Variants in CTNNA2 observed in about 807,000 individuals in gnomAD.
The protein encoded by CTNNA2 is catenin alpha 2.
In CTNNA2, 42 loss-of-function variants were observed where a neutral mutation model predicts 101.0. The observed-to-expected ratio is 0.42, with a 90% CI of 0.32 to 0.54. The LOEUF (loss-of-function observed/expected upper bound fraction) is 0.54, where lower values mean the gene tolerates loss of function less well. Among genes scored for constraint, CTNNA2 ranks in the 20% least tolerant of loss-of-function variants. The probability of loss-of-function intolerance (pLI) is 0.14; values close to 1 mark genes in which losing one functional copy is unlikely to be tolerated. For missense variants in CTNNA2, 871 were observed against 1,223.1 expected (o/e 0.71, Z 4.29); for synonymous variants, 450 against 456.4 (o/e 0.99, Z 0.18).
chr2:80,604,639 G>A (rs1697846630), intron 16 of CTNNA2, among the ~76,000 whole-genome samples: 3 of 151,730 alleles, frequency 2.0e-5, no homozygotes, highest in Non-Finnish European at 4.4e-5. Flanking sequence ...ATTTATTATT[G>A]CTTTACTTTT....
chr2:80,525,091 A>G (rs1220548820), intron 9 of CTNNA2, among the ~76,000 whole-genome samples: 3 of 151,922 alleles, frequency 2.0e-5, no homozygotes, highest in Non-Finnish European at 4.4e-5. Flanking sequence ...TGTGGTGATT[A>G]ATTAAATGTG....
intron 7 of CTNNA2, among the ~76,000 whole-genome samples, chr2:80,384,802 A>G (rs1253179867): frequency 6.6e-6 from 1 of 152,054 alleles, no homozygotes; most frequent in African/African-American, 2.4e-5. Context: ...AACTCCTCAG[A>G]CAGTGCTCCA....
At chr2:79,920,067 A>T (rs1686546776) in intron 7 of CTNNA2, among the ~76,000 whole-genome samples, 1 of 152,160 alleles carries the variant, frequency 6.6e-6, no homozygotes, top group South Asian at 2.1e-4. Context: ...AAATACAAAA[A>T]ATAGCTGAGT....
intron 7 of CTNNA2, among the ~76,000 whole-genome samples, chr2:79,961,843 A>G (rs1387033822): frequency 7.0e-6 from 1 of 143,066 alleles, no homozygotes; most frequent in Non-Finnish European, 1.5e-5. Flanking sequence ...AAAAAAAAAA[A>G]GCTGGCTCTG....
chr2:79,296,144 C>A (rs1167367232), intron 2 of CTNNA2, among the ~76,000 whole-genome samples: 3 of 152,040 alleles, frequency 2.0e-5, no homozygotes, highest in South Asian at 4.1e-4. Flanking sequence ...TAACACTTAT[C>A]CTCAGATGAC....
rs1354607602 is a variant in CTNNA2 at position 79,636,278 on chromosome 2, A to G, written c.-5-15274A>G. 5.5e-5 allele frequency among the ~76,000 whole-genome samples: 8 copies of G among 146,026 alleles called. 1 individual carries two copies. The highest frequency in any genetic ancestry group is 2.0e-4 in the African/African-American group (8 of 40,152). On this transcript the variant is annotated intron_variant, in intron 1 of 18. Coordinates refer to ENST00000402739, the MANE Select transcript of CTNNA2 (RefSeq NM_001282597.3). ...GAGTGAGACTCTGTCTCAAAAAAAAAAAAAAAAAAAAAAAAAAAAAAGGAA... is the reference window on the plus strand; with the variant it reads ...GAGTGAGACTCTGTCTCAAAAAAAAGAAAAAAAAAAAAAAAAAAAAAGGAA...
chr2:80,106,342 T>A (rs187943764), intron 7 of CTNNA2, among the ~76,000 whole-genome samples: 1 of 152,308 alleles, frequency 6.6e-6, no homozygotes, highest in African/African-American at 2.4e-5. Flanking sequence ...CCTAGAGCTT[T>A]TTTGAAACAA....
intron 7 of CTNNA2, among the ~76,000 whole-genome samples, chr2:80,218,661 T>G (rs2149049877): frequency 6.6e-6 from 1 of 152,252 alleles, no homozygotes; most frequent in Non-Finnish European, 1.5e-5. Context: ...ACTCACAGGG[T>G]TGTTGTGAGA....
At chr2:80,588,042 C>T (rs1463850901) in intron 14 of CTNNA2, among the ~76,000 whole-genome samples, 1 of 152,116 alleles carries the variant, frequency 6.6e-6, no homozygotes, top group Non-Finnish European at 1.5e-5. Flanking sequence ...CAGTAGATTC[C>T]TCAGAGCTGC....
At chr2:80,193,473 T>C (rs985733325) in intron 7 of CTNNA2, among the ~76,000 whole-genome samples, 3 of 152,198 alleles carry the variant, frequency 2.0e-5, no homozygotes, top group South Asian at 2.1e-4. Context: ...ACCTGTGAGA[T>C]TGGAATTATT....
chr2:79,512,300 A>T (rs1057207752), upstream of CTNNA2, among the ~76,000 whole-genome samples: 2 of 152,220 alleles, frequency 1.3e-5, no homozygotes, highest in African/African-American at 4.8e-5. Context: ...AATCAAGAAA[A>T]GAATCACAAT....
intron 7 of CTNNA2, among the ~76,000 whole-genome samples, chr2:79,924,633 T>C (rs1686898995): frequency 6.6e-6 from 1 of 152,224 alleles, no homozygotes; most frequent in African/African-American, 2.4e-5. Context: ...TAGGGATGGT[T>C]GTTTTGTACC....
At chr2:80,020,993 CTTTTTTT>C (rs869061321) in intron 7 of CTNNA2, among the ~76,000 whole-genome samples, 3 of 89,352 alleles carry the variant, frequency 3.4e-5, no homozygotes, top group African/African-American at 4.9e-5. Context: ...GACCAATCAT[CTTTTTTT>C]TTTTTTTTTT....
At chr2:79,499,913 T>C (rs1249748932) in intron 4 of CTNNA2, among the ~76,000 whole-genome samples, 1 of 152,180 alleles carries the variant, frequency 6.6e-6, no homozygotes, top group Non-Finnish European at 1.5e-5. Flanking sequence ...ATCTGCAATA[T>C]TGGCCAGCAG....
intron 9 of CTNNA2, among the ~76,000 whole-genome samples, chr2:80,515,295 G>T (rs1417555264): frequency 6.6e-6 from 1 of 151,970 alleles, no homozygotes; most frequent in Non-Finnish European, 1.5e-5. Context: ...TTCTTTGATG[G>T]AAATTTCTCT....
At chr2:79,986,642 C>G (rs576041461) in intron 7 of CTNNA2, among the ~76,000 whole-genome samples, 1 of 152,256 alleles carries the variant, frequency 6.6e-6, no homozygotes, top group East Asian at 1.9e-4. Context: ...TCATCTTCTC[C>G]CTGCCTAGGC....
intron 3 of CTNNA2, among the ~76,000 whole-genome samples, chr2:79,839,909 C>A (rs1486803140): frequency 6.6e-6 from 1 of 152,114 alleles, no homozygotes; most frequent in Non-Finnish European, 1.5e-5. Context: ...CTTTCTTGAA[C>A]TGTATACTAA....
At chr2:79,219,702 T>A (rs1217109599) in intron 2 of CTNNA2, among the ~76,000 whole-genome samples, 19 of 152,186 alleles carry the variant, frequency 1.2e-4, no homozygotes, top group Non-Finnish European at 4.4e-5. Context: ...GTAGCTTATA[T>A]AAAGTATCTG....
intron 7 of CTNNA2, chr2:80,305,088 T>C: frequency 1.0e-6 from 1 of 985,190 alleles, no homozygotes; most frequent in African/African-American, 1.7e-5. Flanking sequence ...TAGGAATCTG[T>C]AGAGAAATCA....
Sources: allele counts gnomAD v4.1 joint callset (sites outside exome capture counted in the v4.1 genomes callset), GRCh38; gene constraint gnomAD v4.1.1; transcripts MANE v1.5; gene names NCBI Gene and HGNC (gene_info 2026-07-23, HGNC 2026-07-21).